RPS6KC1: variants seen among roughly 807,000 people sequenced by gnomAD.
RPS6KC1 encodes the protein inactive ribosomal protein S6 kinase delta-1.
A neutral mutation model predicts 103.8 loss-of-function variants in RPS6KC1; 54 were observed. The ratio of observed to expected loss-of-function variants is 0.52; its 90% CI spans 0.42 to 0.65. The LOEUF is 0.65. Ranked by LOEUF, RPS6KC1 falls within the 30% of genes least tolerant of loss-of-function variation. RPS6KC1 has a pLI of 0.00. For synonymous variants in RPS6KC1, 439 were observed against 438.7 expected, an observed-to-expected ratio of 1.00 and a Z score of -0.01; for missense variants, 1,151 against 1,253.8, an observed-to-expected ratio of 0.92 and a Z score of 1.24.
At chr1:213,121,459 A>G (rs1236145172) in intron 5 of RPS6KC1, among the ~76,000 whole-genome samples, 1 of 152,148 alleles carries the variant, frequency 6.6e-6, no homozygotes, top group African/African-American at 2.4e-5. Flanking sequence ...GTTAAACTAT[A>G]TTTTTTCAAA....
chr1:213,233,591 ATCTTCCTCT>A (rs1280159240), intron 10 of RPS6KC1, among the ~76,000 whole-genome samples: 1 of 152,104 alleles, frequency 6.6e-6, no homozygotes, highest in Non-Finnish European at 1.5e-5. Flanking sequence ...TTGTAGCAAT[ATCTTCCTCT>A]TCTTCCTCTT....
chr1:213,477,144 C>T, the RPS6KC1 span, among the ~76,000 whole-genome samples: 1 of 152,130 alleles, frequency 6.6e-6, no homozygotes, highest in Non-Finnish European at 1.5e-5. Flanking sequence ...CTCACCTGTT[C>T]CTAATGTGGT....
At chr1:213,601,962 C>A in the RPS6KC1 span, among the ~76,000 whole-genome samples, 1 of 79,680 alleles carries the variant, frequency 1.3e-5, no homozygotes, top group African/African-American at 4.9e-5. Context: ...CTTTTCCCCT[C>A]CCTCCCTCCC....
At chr1:213,158,452 CTCATT>C (rs924773970) in intron 6 of RPS6KC1, among the ~76,000 whole-genome samples, 1 of 152,178 alleles carries the variant, frequency 6.6e-6, no homozygotes, top group Non-Finnish European at 1.5e-5. Context: ...CTGGGAAACT[CTCATT>C]TAAGTTGTTA....
intron 12 of RPS6KC1, among the ~76,000 whole-genome samples, chr1:213,259,146 G>C (rs149240099): frequency 1.3e-5 from 2 of 152,200 alleles, no homozygotes; most frequent in Non-Finnish European, 2.9e-5. Context: ...ATTGGTTTAC[G>C]TAGTTTTTCT....
the RPS6KC1 span, among the ~76,000 whole-genome samples, chr1:213,521,098 G>A: frequency 6.6e-6 from 1 of 152,008 alleles, no homozygotes; most frequent in Admixed American, 6.6e-5. Context: ...TTAACTTAAT[G>A]ATGTATCTTT....
At chr1:213,679,863 C>A in the RPS6KC1 span, among the ~76,000 whole-genome samples, 1 of 152,148 alleles carries the variant, frequency 6.6e-6, no homozygotes, top group Non-Finnish European at 1.5e-5. Flanking sequence ...AATAACACAG[C>A]CAGCTGTTTT....
chr1:213,650,673 C>A, the RPS6KC1 span, among the ~76,000 whole-genome samples: 1 of 152,142 alleles, frequency 6.6e-6, no homozygotes, highest in Non-Finnish European at 1.5e-5. Flanking sequence ...GAAACTTGGA[C>A]AAGTCTCCCT....
the RPS6KC1 span, among the ~76,000 whole-genome samples, chr1:213,850,384 T>C: frequency 6.6e-6 from 1 of 152,230 alleles, no homozygotes; most frequent in Non-Finnish European, 1.5e-5. Context: ...AAAAGGATGT[T>C]CACGTTTTCA....
the RPS6KC1 span, among the ~76,000 whole-genome samples, chr1:213,753,561 G>A: frequency 3.7e-4 from 56 of 152,030 alleles, no homozygotes; most frequent in African/African-American, 9.2e-4. Context: ...GTTGCTCACC[G>A]TCTTTGTTTC....
the RPS6KC1 span, among the ~76,000 whole-genome samples, chr1:213,417,472 T>A: frequency 6.6e-6 from 1 of 152,124 alleles, no homozygotes; most frequent in Non-Finnish European, 1.5e-5. Context: ...CCTTTTGTCC[T>A]GCTATACTCA....
the RPS6KC1 span, among the ~76,000 whole-genome samples, chr1:213,573,098 AC>A: frequency 3.5e-4 from 54 of 152,286 alleles, no homozygotes; most frequent in African/African-American, 1.2e-3. Context: ...TTTACTCAGC[AC>A]CAGTCAAAAG....
At chr1:213,363,794 CT>C in the RPS6KC1 span, among the ~76,000 whole-genome samples, 394 of 90,956 alleles carry the variant, frequency 4.3e-3, 32 homozygotes, top group Non-Finnish European at 6.6e-3. Context: ...TTCTTTCTTT[CT>C]TTCTTTCTTT....
chr1:213,681,686 T>C, the RPS6KC1 span, among the ~76,000 whole-genome samples: 1 of 152,184 alleles, frequency 6.6e-6, no homozygotes, highest in Non-Finnish European at 1.5e-5. Flanking sequence ...TAGTCCCAGC[T>C]ACTTGAGAAG....
chr1:213,689,677 A>T, the RPS6KC1 span, among the ~76,000 whole-genome samples: 1 of 152,208 alleles, frequency 6.6e-6, no homozygotes, highest in African/African-American at 2.4e-5. Context: ...TGCAGAGTAA[A>T]TCAGAGGCAC....
At chr1:213,397,877 C>T in the RPS6KC1 span, among the ~76,000 whole-genome samples, 1 of 152,114 alleles carries the variant, frequency 6.6e-6, no homozygotes, top group Non-Finnish European at 1.5e-5. Flanking sequence ...TATTCCGATC[C>T]CAACAAAGCT....
At chr1:213,455,679 A>G in the RPS6KC1 span, among the ~76,000 whole-genome samples, 1 of 152,210 alleles carries the variant, frequency 6.6e-6, no homozygotes, top group African/African-American at 2.4e-5. Flanking sequence ...AGGGCCCATG[A>G]CAGAACCTTG....
intron 3 of RPS6KC1, 86 bp downstream of exon 3, chr1:213,077,902 C>T: frequency 1.5e-6 from 1 of 646,662 alleles, no homozygotes. Context: ...ACTATGAAGT[C>T]AGAAGCCCTT....
At chr1:213,189,198 C>T (rs2092656945) in intron 8 of RPS6KC1, among the ~76,000 whole-genome samples, 1 of 151,958 alleles carries the variant, frequency 6.6e-6, no homozygotes, top group Non-Finnish European at 1.5e-5. Flanking sequence ...TCTGAAATCC[C>T]AGCACTTTGA....
Sources: allele counts gnomAD v4.1 joint callset (sites outside exome capture counted in the v4.1 genomes callset), GRCh38; gene constraint gnomAD v4.1.1; transcripts MANE v1.5; gene names NCBI Gene and HGNC (gene_info 2026-07-23, HGNC 2026-07-21).